LY86: variants seen among roughly 807,000 people sequenced by gnomAD.
LY86 encodes the protein lymphocyte antigen 86.
LY86 carries 20 observed loss-of-function variants against 17.3 expected under a neutral mutation model. That is an observed-to-expected ratio of 1.15 (90% CI 0.81 to 1.68). LY86 has a LOEUF of 1.68. LY86 is among the 40% of genes most tolerant of loss of function. LY86 has a pLI of 0.00. For missense variants in LY86, 200 were observed against 191.9 expected, an observed-to-expected ratio of 1.04 and a Z score of -0.25; for synonymous variants, 74 against 70.6, an observed-to-expected ratio of 1.05 and a Z score of -0.24.
In LY86 at chr6:6,624,935, A is replaced by G. The variant is rs761847184; in HGVS notation, c.146A>G (p.Gln49Arg). ...EVLYQSCDPL[Q>R]DFGFSVEKCS... Reference sequence around the variant, plus strand: ...GTTTTCTTCTTCGTAGATCCATTACAAGATTTTGGCTTTTCTGTTGAAAAG... The same window carrying G: ...GTTTTCTTCTTCGTAGATCCATTACGAGATTTTGGCTTTTCTGTTGAAAAG... The change falls in exon 2 of 5, where the codon CAA becomes CGA. Residue 49 changes from glutamine (Q) to arginine (R), a missense_variant. Transcript: ENST00000230568. The G allele has an allele frequency of 1.3e-6, 2 of 1,537,642 alleles. No homozygotes were observed. The highest frequency in any genetic ancestry group is 1.8e-6 in the Non-Finnish European group (2 of 1,118,260).
intron 3 of LY86, among the ~76,000 whole-genome samples, chr6:6,641,075 A>G (rs1392835679): frequency 6.6e-6 from 1 of 152,174 alleles, no homozygotes; most frequent in Non-Finnish European, 1.5e-5. Flanking sequence ...GATTCCAAAA[A>G]CACCTCAGCA....
chr6:6,605,799 G>C (rs567485879), intron 1 of LY86, among the ~76,000 whole-genome samples: 24 of 152,234 alleles, frequency 1.6e-4, no homozygotes, highest in Non-Finnish European at 3.1e-4. Context: ...TCTTCCTTTT[G>C]GTGGGGTTCG....
chr6:6,601,281 A>G (rs1302085602), intron 1 of LY86, among the ~76,000 whole-genome samples: 1 of 152,216 alleles, frequency 6.6e-6, no homozygotes, highest in East Asian at 1.9e-4. Flanking sequence ...AGAGAAGGCC[A>G]CAGTTCCCTT....
At chr6:6,599,878 G>C (rs1561776246) in intron 1 of LY86, among the ~76,000 whole-genome samples, 1 of 152,042 alleles carries the variant, frequency 6.6e-6, no homozygotes, top group Non-Finnish European at 1.5e-5. Context: ...TCTTATTCAA[G>C]CATAAAAACC....
chr6:6,588,964 G>A, intron 1 of LY86, 94 bp downstream of exon 1: 2 of 1,481,426 alleles, frequency 1.4e-6, no homozygotes, highest in African/African-American at 1.4e-5. Flanking sequence ...GGGTGGGAGG[G>A]GAGAGGGGAC....
At chr6:6,597,620 C>T (rs992120552) in intron 1 of LY86, among the ~76,000 whole-genome samples, 1 of 152,152 alleles carries the variant, frequency 6.6e-6, no homozygotes, top group Non-Finnish European at 1.5e-5. Flanking sequence ...TATCGGGAAA[C>T]CAATATTTGC....
chr6:6,649,144 G>C (rs899000642), intron 3 of LY86, among the ~76,000 whole-genome samples: 1 of 152,218 alleles, frequency 6.6e-6, no homozygotes, highest in African/African-American at 2.4e-5. Flanking sequence ...ATCTTATACG[G>C]TGGCAGGCAA....
chr6:6,599,941 C>A (rs540633067), intron 1 of LY86, among the ~76,000 whole-genome samples: 2 of 152,042 alleles, frequency 1.3e-5, no homozygotes, highest in Admixed American at 1.3e-4. Context: ...ACATAATAAA[C>A]CAAGACCAGA....
intron 1 of LY86, chr6:6,620,945 G>A (rs1761659194): frequency 6.6e-6 from 1 of 152,328 alleles, no homozygotes; most frequent in Non-Finnish European, 1.5e-5. Context: ...GGGTTCACAT[G>A]CTGCTGGTTT....
chr6:6,654,823 C>T lies in LY86; in HGVS notation c.*196C>T, dbSNP rs1035894698. The T allele has an allele frequency of 1.1e-5, 6 of 570,062 alleles. No individual in the cohort carries two copies. Among genetic ancestry groups the T allele is most frequent in the African/African-American group, 3.8e-5 (2 of 53,142 alleles). The allele number at this position is 570,062 out of a possible 1,614,324, so 35.3% of individuals were successfully genotyped here. ...GACTCCACAGATGTAATGAAGTCCC[C>T]GAATGTATCTGTTTCTAAGGAGCCT... On this transcript the variant is annotated 3_prime_UTR_variant, in exon 5 of 5. Coordinates refer to ENST00000230568, the MANE Select transcript of LY86 (RefSeq NM_004271.4).
At chr6:6,620,007 TG>T (rs1014581644) in intron 1 of LY86, among the ~76,000 whole-genome samples, 25 of 152,150 alleles carry the variant, frequency 1.6e-4, no homozygotes, top group African/African-American at 6.0e-4. Context: ...GAAGTGAGAT[TG>T]GAGGGGGGTC....
chr6:6,599,087 G>GA (rs1383411166), intron 1 of LY86, among the ~76,000 whole-genome samples: 3 of 152,120 alleles, frequency 2.0e-5, no homozygotes, highest in African/African-American at 4.8e-5. Context: ...TACAAAGATA[G>GA]AAAAAACTGC....
intron 1 of LY86, among the ~76,000 whole-genome samples, chr6:6,609,622 G>A (rs981408725): frequency 4.6e-5 from 7 of 152,198 alleles, no homozygotes; most frequent in Admixed American, 2.0e-4. Flanking sequence ...CAGAAAAGGA[G>A]GCTGTTTATG....
intron 1 of LY86, among the ~76,000 whole-genome samples, chr6:6,603,953 T>G (rs900051830): frequency 6.6e-6 from 1 of 152,180 alleles, no homozygotes. Context: ...GCCTAATCTC[T>G]TGGGAAACTA....
At chr6:6,634,861 A>C (rs1761940648) in intron 3 of LY86, among the ~76,000 whole-genome samples, 1 of 152,186 alleles carries the variant, frequency 6.6e-6, no homozygotes, top group Non-Finnish European at 1.5e-5. Context: ...CTGGGAATGC[A>C]ATCTGTTTAC....
At chr6:6,645,958 CT>C (rs1581252762) in intron 3 of LY86, among the ~76,000 whole-genome samples, 1 of 152,090 alleles carries the variant, frequency 6.6e-6, no homozygotes, top group African/African-American at 2.4e-5. Flanking sequence ...GAAGGGGTCT[CT>C]TTGTCTCTCT....
Position 6,654,834 on chromosome 6 carries a change from G to A in LY86, c.*207G>A, listed in dbSNP as rs913046284. The A allele has an allele frequency of 1.1e-5, 6 of 556,678 alleles. No homozygotes were observed. The highest frequency in any genetic ancestry group is 7.6e-5 in the African/African-American group (4 of 52,834). 34.5% of individuals were successfully genotyped at this position (556,678 alleles called of 1,614,324 possible). A position where few individuals can be genotyped will look rare whatever the true frequency, so the allele number is the denominator to read the frequency against. On this transcript the variant is annotated 3_prime_UTR_variant, in exon 5 of 5. Coordinates refer to ENST00000230568, the MANE Select transcript of LY86 (RefSeq NM_004271.4). ...TGTAATGAAGTCCCCGAATGTATCT[G>A]TTTCTAAGGAGCCTCTTGGCAGTCC...
chr6:6,614,505 TCTTGGCTCTCCCAGCCCCACGC>T (rs1230014973), intron 1 of LY86, among the ~76,000 whole-genome samples: 3 of 152,046 alleles, frequency 2.0e-5, no homozygotes, highest in Admixed American at 6.5e-5. Flanking sequence ...GGCTCTCTGG[TCTTGGCTCTCCCAGCCCCACGC>T]CGCCCACTCA....
chr6:6,605,312 T>G (rs1339952276), intron 1 of LY86, among the ~76,000 whole-genome samples: 1 of 152,118 alleles, frequency 6.6e-6, no homozygotes, highest in Non-Finnish European at 1.5e-5. Context: ...AATTTGGGTG[T>G]GGTTTAGTTG....
Sources: allele counts gnomAD v4.1 joint callset (sites outside exome capture counted in the v4.1 genomes callset), GRCh38; gene constraint gnomAD v4.1.1; transcripts MANE v1.5; gene names NCBI Gene and HGNC (gene_info 2026-07-23, HGNC 2026-07-21).